The following GALNTL6 variants were observed in gnomAD, a reference collection of about 807,000 sequenced individuals.
The protein encoded by GALNTL6 is polypeptide N-acetylgalactosaminyltransferase like 6.
Under a neutral mutation model 73.7 loss-of-function variants are expected in GALNTL6, and 46 were observed. The observed-to-expected ratio is 0.62, with a 90% CI of 0.49 to 0.80. GALNTL6 has a LOEUF of 0.80. Among genes scored for constraint, GALNTL6 ranks in the 30% least tolerant of loss-of-function variants. The pLI, the probability that GALNTL6 is intolerant of heterozygous loss-of-function variation, is 0.00. For synonymous variants in GALNTL6, 259 were observed against 263.7 expected (o/e 0.98, Z 0.17); for missense variants, 604 against 755.0 (o/e 0.80, Z 2.34).
chr4:172,757,190 C>G (rs530179901), intron 5 of GALNTL6, among the ~76,000 whole-genome samples: 2 of 152,314 alleles, frequency 1.3e-5, no homozygotes, highest in East Asian at 3.9e-4. Flanking sequence ...AATGCACAGT[C>G]TGTGGGCTAC....
intron 2 of GALNTL6, among the ~76,000 whole-genome samples, chr4:172,057,950 T>C (rs1461242827): frequency 6.6e-6 from 1 of 151,948 alleles, no homozygotes; most frequent in East Asian, 1.9e-4. Context: ...CACATGTTTT[T>C]ATTTTAGCAT....
chr4:172,300,987 G>A (rs1000638979), intron 3 of GALNTL6, among the ~76,000 whole-genome samples: 13 of 152,252 alleles, frequency 8.5e-5, no homozygotes, highest in Middle Eastern at 6.8e-3. Flanking sequence ...CATTCTCCCC[G>A]TCATTTTCAG....
At chr4:172,453,134 G>A (rs367736983) in intron 5 of GALNTL6, among the ~76,000 whole-genome samples, 3 of 152,128 alleles carry the variant, frequency 2.0e-5, no homozygotes, top group African/African-American at 4.8e-5. Context: ...CCCAGGAGGC[G>A]GAGGTTGCAG....
At chr4:172,921,649 G>C (rs910235506) in intron 8 of GALNTL6, among the ~76,000 whole-genome samples, 2 of 152,018 alleles carry the variant, frequency 1.3e-5, no homozygotes, top group African/African-American at 4.8e-5. Flanking sequence ...ACAAAGATCA[G>C]CTGGGTGCGG....
intron 5 of GALNTL6, among the ~76,000 whole-genome samples, chr4:172,565,077 C>T (rs550629355): frequency 4.1e-4 from 62 of 152,280 alleles, no homozygotes; most frequent in African/African-American, 1.5e-3. Context: ...TGCCTTGTTG[C>T]TGTGCTCTCA....
At chr4:171,915,823 C>T (rs1000492913) in intron 2 of GALNTL6, among the ~76,000 whole-genome samples, 1 of 152,066 alleles carries the variant, frequency 6.6e-6, no homozygotes, top group Admixed American at 6.6e-5. Flanking sequence ...TGCTGTGAAC[C>T]TCAGTTTCTG....
intron 2 of GALNTL6, among the ~76,000 whole-genome samples, chr4:171,861,058 A>G (rs1386927659): frequency 2.6e-5 from 4 of 152,164 alleles, no homozygotes; most frequent in African/African-American, 9.6e-5. Context: ...TATGACCAAC[A>G]TATCTCCTGT....
chr4:172,916,744 A>G (rs1171751901), intron 8 of GALNTL6, among the ~76,000 whole-genome samples: 1 of 150,950 alleles, frequency 6.6e-6, no homozygotes, highest in Non-Finnish European at 1.5e-5. Context: ...AATGAAATAA[A>G]AGAGGACACA....
chr4:172,476,504 T>TA (rs1229191877), intron 5 of GALNTL6, among the ~76,000 whole-genome samples: 2 of 152,230 alleles, frequency 1.3e-5, no homozygotes, highest in African/African-American at 4.8e-5. Context: ...TGAAGCCGTC[T>TA]ACATTTGAGA....
At chr4:172,957,861 T>C (rs1749826842) in intron 10 of GALNTL6, among the ~76,000 whole-genome samples, 1 of 152,322 alleles carries the variant, frequency 6.6e-6, no homozygotes. Context: ...TAATATAGCA[T>C]AGCCTGCCTT....
chr4:172,483,006 GTA>G (rs143506457), intron 5 of GALNTL6, among the ~76,000 whole-genome samples: 1 of 150,972 alleles, frequency 6.6e-6, no homozygotes, highest in East Asian at 1.9e-4. Flanking sequence ...ATGAGTTTAT[GTA>G]TATATATATA....
intron 5 of GALNTL6, among the ~76,000 whole-genome samples, chr4:172,464,361 C>T (rs1272796217): frequency 6.6e-6 from 1 of 152,030 alleles, no homozygotes; most frequent in African/African-American, 2.4e-5. Context: ...ATTTTGTGAA[C>T]ATTAAGTACT....
rs1408642232 is a variant in GALNTL6 at position 171,813,557 on chromosome 4, A to G, written c.-603A>G. 6.6e-6 allele frequency: 1 copy of G among 152,368 alleles called. No individual in the cohort carries two copies. The highest frequency in any genetic ancestry group is 1.5e-5 in the Non-Finnish European group (1 of 68,166). 9.4% of individuals were successfully genotyped at this position (152,368 alleles called of 1,614,324 possible). A position where few individuals can be genotyped will look rare whatever the true frequency, so the allele number is the denominator to read the frequency against. Reference sequence around the variant, plus strand: ...CACAGACTTCGGTTTCTCCGCCTCCATCCCCTTTACGAGAAGAGGAGATCA... The same window carrying G: ...CACAGACTTCGGTTTCTCCGCCTCCGTCCCCTTTACGAGAAGAGGAGATCA... On this transcript the variant is annotated 5_prime_UTR_variant, in exon 1 of 13. Transcript: ENST00000506823. The surrounding 1 kb of genome is among the most constrained non-coding windows in gnomAD (Gnocchi z 5.2).
In GALNTL6 at chr4:172,943,789, T is replaced by C. The variant is rs541105774; in HGVS notation, c.1150-8248T>C. ...CAACAAACACACAACCTGATTGATA[T>C]ATGCAAGAATCTATTTCTGGAAGAG... On this transcript the variant is annotated intron_variant, in intron 9 of 12. Transcript: ENST00000506823. Among the ~76,000 whole-genome samples, 13 of 152,336 alleles carry C rather than the reference T, an allele frequency of 8.5e-5. No individual in the cohort carries two copies. The East Asian group carries it at 1.3e-3, about 16-fold the overall frequency.
intron 12 of GALNTL6, among the ~76,000 whole-genome samples, chr4:173,035,720 T>C (rs903537026): frequency 2.6e-5 from 4 of 152,250 alleles, no homozygotes; most frequent in African/African-American, 7.2e-5. Flanking sequence ...GAGCCATAGA[T>C]ACCTTCTCTC....
At chr4:172,997,013 A>G (rs1247562997) in intron 10 of GALNTL6, among the ~76,000 whole-genome samples, 3 of 152,094 alleles carry the variant, frequency 2.0e-5, no homozygotes, top group Admixed American at 2.0e-4. Context: ...TGTATTTTGA[A>G]GACTTCATTG....
In GALNTL6 at chr4:172,657,049, G is replaced by A. The variant is rs571439910; in HGVS notation, c.554-152312G>A. Among the ~76,000 whole-genome samples, 91 of 152,304 alleles carry A rather than the reference G, an allele frequency of 6.0e-4. 1 individual carries two copies. The South Asian group carries it at 0.015, about 26-fold the overall frequency. Reference sequence around the variant, plus strand: ...GTAAGAGAAAAAGGAAAAGGAGGAGGAGAAAGAGGAGGCAAGATTGTAACC... The same window carrying A: ...GTAAGAGAAAAAGGAAAAGGAGGAGAAGAAAGAGGAGGCAAGATTGTAACC... On this transcript the variant is annotated intron_variant, in intron 5 of 12. Coordinates refer to ENST00000506823, the MANE Select transcript of GALNTL6 (RefSeq NM_001034845.3).
rs557195884 is a variant in GALNTL6, at chr4:173,040,218, T to C, written c.*118T>C. The C allele has an allele frequency of 1.3e-5, 9 of 712,794 alleles. No homozygotes were observed. In the Admixed American group the frequency reaches 2.9e-4, roughly 23 times the overall value. The allele number at this position is 712,794 out of a possible 1,614,324, so 44.2% of individuals were successfully genotyped here. The stretch of plus-strand genomic sequence containing the variant: ...CGATCCAGGAAGGCTGGTTTAAAAA[T>C]TTGCAAATGCCATGTCAAAGTAGGT... On this transcript the variant is annotated 3_prime_UTR_variant, in exon 13 of 13. Coordinates refer to ENST00000506823, the MANE Select transcript of GALNTL6 (RefSeq NM_001034845.3).
intron 5 of GALNTL6, among the ~76,000 whole-genome samples, chr4:172,744,298 G>C (rs1370578): frequency 0.36 from 54,359 of 151,754 alleles, 10,746 homozygotes; most frequent in African/African-American, 0.52. Flanking sequence ...CTGGATATCA[G>C]TAATAAATTC....
Sources: gnomAD v4.1 joint callset for allele counts (sites outside exome capture counted in the v4.1 genomes callset) on GRCh38, gnomAD v4.1.1 for gene constraint, Gnocchi (gnomAD v3.1) non-coding constraint, MANE v1.5 for transcripts, NCBI Gene and HGNC (gene_info 2026-07-23, HGNC 2026-07-21) for gene names.